The following DNAJC1 variants were observed in gnomAD, a reference collection of about 807,000 sequenced individuals.
DNAJC1 encodes dnaJ homolog subfamily C member 1.
A neutral mutation model predicts 76.6 loss-of-function variants in DNAJC1; 58 were observed. The ratio of observed to expected loss-of-function variants is 0.76; its 90% CI spans 0.61 to 0.94. The LOEUF (loss-of-function observed/expected upper bound fraction) is 0.94. DNAJC1 is among the 40% of genes least tolerant of loss of function. The pLI is 0.00. For synonymous variants in DNAJC1, 258 were observed against 267.9 expected, an observed-to-expected ratio of 0.96 and a Z score of 0.36; for missense variants, 689 against 677.3, an observed-to-expected ratio of 1.02 and a Z score of -0.19.
chr10:21,953,463 T>C (rs561868898), intron 1 of DNAJC1, among the ~76,000 whole-genome samples: 8 of 152,136 alleles, frequency 5.3e-5, no homozygotes, highest in Admixed American at 5.2e-4. Context: ...ATTAGGTAAT[T>C]TGGTGAATTA....
Position 21,904,191 on chromosome 10 carries a change from AC to A in DNAJC1, c.820+330del, listed in dbSNP as rs1329083072. Among the ~76,000 whole-genome samples the A allele has an allele frequency of 4.6e-5, 7 of 152,192 alleles. No homozygotes were observed. In the East Asian group the frequency reaches 1.3e-3, roughly 29 times the overall value. ...TGTTACACAGAAAGTTGGGTGATTA[AC>A]TGGTTAAACTAGCACTAAATATCAA... On this transcript the variant is annotated intron_variant, in intron 7 of 11. Coordinates refer to ENST00000376980, the MANE Select transcript of DNAJC1 (RefSeq NM_022365.4).
At chr10:21,767,344 T>TAG (rs1424155496) in intron 9 of DNAJC1, among the ~76,000 whole-genome samples, 1 of 152,248 alleles carries the variant, frequency 6.6e-6, no homozygotes, top group Admixed American at 6.5e-5. Flanking sequence ...TCTTATTCTA[T>TAG]AGCTTGCTCT....
chr10:21,963,980 C>T (rs1837845866), intron 1 of DNAJC1, among the ~76,000 whole-genome samples: 2 of 152,160 alleles, frequency 1.3e-5, no homozygotes, highest in South Asian at 2.1e-4. Context: ...ATTCTTTCCC[C>T]ACCCCTACTC....
At position 21,942,520 on chromosome 10, in the gene DNAJC1, T is replaced by C. The variant is rs140652441; in HGVS notation, c.223-13379A>G. Among the ~76,000 whole-genome samples the C allele has an allele frequency of 5.8e-3, 876 of 151,992 alleles. 8 individuals carry two copies. Among genetic ancestry groups the C allele is most frequent in the African/African-American group, 0.02 (835 of 41,488 alleles). ...ATATAAGATATATATAAGATAAATA[T>C]AAGCGGCCGGGCGCGGTGGCTCACA... On this transcript the variant is annotated intron_variant, in intron 1 of 11. Coordinates refer to ENST00000376980, the MANE Select transcript of DNAJC1 (RefSeq NM_022365.4).
intron 7 of DNAJC1, among the ~76,000 whole-genome samples, chr10:21,890,915 G>T (rs759628015): frequency 1.2e-4 from 19 of 152,176 alleles, no homozygotes; most frequent in Non-Finnish European, 2.1e-4. Flanking sequence ...ACTTGGCTGG[G>T]CATGGTGGCT....
At chr10:21,867,626 G>A (rs1375131106) in intron 8 of DNAJC1, among the ~76,000 whole-genome samples, 1 of 152,120 alleles carries the variant, frequency 6.6e-6, no homozygotes, top group African/African-American at 2.4e-5. Flanking sequence ...AAACCCAGGA[G>A]TAGATCAAGC....
At chr10:21,851,342 A>G (rs1590015286) in intron 8 of DNAJC1, among the ~76,000 whole-genome samples, 1 of 152,284 alleles carries the variant, frequency 6.6e-6, no homozygotes, top group Non-Finnish European at 1.5e-5. Context: ...CTACACAACA[A>G]ATGGCCAAAA....
At chr10:21,891,900 G>A (rs1356840667) in intron 7 of DNAJC1, among the ~76,000 whole-genome samples, 3 of 152,116 alleles carry the variant, frequency 2.0e-5, no homozygotes, top group Non-Finnish European at 4.4e-5. Context: ...GTAAAAATAT[G>A]AGTAAACGCA....
intron 1 of DNAJC1, among the ~76,000 whole-genome samples, chr10:21,966,339 C>G (rs1465467375): frequency 6.6e-6 from 1 of 152,050 alleles, no homozygotes; most frequent in East Asian, 1.9e-4. Context: ...GGAATACTTA[C>G]TAAGTATTCT....
chr10:21,949,546 A>G (rs1156535381), intron 1 of DNAJC1, among the ~76,000 whole-genome samples: 1 of 149,886 alleles, frequency 6.7e-6, no homozygotes, highest in Non-Finnish European at 1.5e-5. Flanking sequence ...CCTCCCAAGT[A>G]GCTGGGATTA....
intron 9 of DNAJC1, among the ~76,000 whole-genome samples, chr10:21,772,729 T>C (rs1208592414): frequency 6.6e-6 from 1 of 152,144 alleles, no homozygotes; most frequent in South Asian, 2.1e-4. Flanking sequence ...TTGTTCTCTA[T>C]TTCTTCCATT....
intron 1 of DNAJC1, among the ~76,000 whole-genome samples, chr10:22,000,461 A>G (rs1838500879): frequency 6.6e-6 from 1 of 152,116 alleles, no homozygotes; most frequent in Non-Finnish European, 1.5e-5. Flanking sequence ...CTTGTCTCCT[A>G]TTGCTGTTCT....
At chr10:21,916,437 C>T (rs1056250906) in intron 6 of DNAJC1, among the ~76,000 whole-genome samples, 2 of 151,876 alleles carry the variant, frequency 1.3e-5, no homozygotes, top group Admixed American at 6.6e-5. Flanking sequence ...TGCAGTGAGC[C>T]GAGATCGCGC....
intron 1 of DNAJC1, among the ~76,000 whole-genome samples, chr10:21,935,561 A>G (rs1837298211): frequency 6.6e-6 from 1 of 152,150 alleles, no homozygotes; most frequent in Non-Finnish European, 1.5e-5. Context: ...GGGGCAGAAA[A>G]CATATTTGAA....
chr10:21,995,021 G>C (rs139814608), intron 1 of DNAJC1, among the ~76,000 whole-genome samples: 1 of 150,968 alleles, frequency 6.6e-6, no homozygotes, highest in East Asian at 1.9e-4. Flanking sequence ...CTTTAAGTCA[G>C]AAAAGAACCT....
At chr10:21,963,160 C>T (rs2807968) in intron 1 of DNAJC1, among the ~76,000 whole-genome samples, 117,427 of 152,156 alleles carry the variant, frequency 0.77, 46,192 homozygotes, top group East Asian at 0.99. Flanking sequence ...ATCAAATACA[C>T]TTTATAAAAA....
chr10:21,961,471 A>G (rs1181529499), intron 1 of DNAJC1, among the ~76,000 whole-genome samples: 1 of 152,096 alleles, frequency 6.6e-6, no homozygotes, highest in East Asian at 1.9e-4. Context: ...TAAGCCAGAT[A>G]CAAAAGGACA....
intron 1 of DNAJC1, among the ~76,000 whole-genome samples, chr10:21,966,854 A>C (rs1285252668): frequency 6.6e-6 from 1 of 150,960 alleles, no homozygotes; most frequent in Non-Finnish European, 1.5e-5. Context: ...CCCAGCTCAT[A>C]TTTTGTATTT....
At chr10:21,776,011 T>G (rs1418672449) in intron 9 of DNAJC1, among the ~76,000 whole-genome samples, 1 of 152,166 alleles carries the variant, frequency 6.6e-6, no homozygotes, top group Non-Finnish European at 1.5e-5. Context: ...CAAATTTATC[T>G]TTAGAATGCT....
Sources: gnomAD v4.1 joint callset for allele counts (sites outside exome capture counted in the v4.1 genomes callset) on GRCh38, gnomAD v4.1.1 for gene constraint, MANE v1.5 for transcripts, NCBI Gene and HGNC (gene_info 2026-07-23, HGNC 2026-07-21) for gene names.